Variants in BEST3 observed in about 807,000 individuals in gnomAD.
The protein encoded by BEST3 is bestrophin 3.
A neutral mutation model predicts 47.1 loss-of-function variants in BEST3; 50 were observed. That is an observed-to-expected ratio of 1.06 (90% confidence interval 0.85 to 1.34). The LOEUF is 1.34. Ranked by LOEUF, BEST3 falls within the 40% of genes most tolerant of loss-of-function variation. BEST3 has a pLI of 0.00. For missense variants in BEST3, 765 were observed against 817.0 expected (o/e 0.94, Z 0.78); for synonymous variants, 282 against 298.8 (o/e 0.94, Z 0.58).
intron 4 of BEST3, among the ~76,000 whole-genome samples, chr12:69,687,711 G>GT (rs1210191264): frequency 2.0e-5 from 3 of 150,910 alleles, no homozygotes; most frequent in African/African-American, 4.9e-5. Flanking sequence ...ATTAAAGGGT[G>GT]TTTTTTTCCT....
At chr12:69,698,676 T>A (rs1886220563) in intron 1 of BEST3, among the ~76,000 whole-genome samples, 1 of 152,200 alleles carries the variant, frequency 6.6e-6, no homozygotes, top group African/African-American at 2.4e-5. Context: ...ACACAAAAAA[T>A]AAATTCTGTA....
At chr12:69,683,088 A>AT (rs1885350881) in intron 4 of BEST3, among the ~76,000 whole-genome samples, 1 of 152,176 alleles carries the variant, frequency 6.6e-6, no homozygotes, top group Admixed American at 6.5e-5. Flanking sequence ...ATCTCTGGTT[A>AT]TTTTTTATTC....
chr12:69,646,772 G>C (rs377595917), intron 9 of BEST3, among the ~76,000 whole-genome samples: 1 of 152,130 alleles, frequency 6.6e-6, no homozygotes, highest in Non-Finnish European at 1.5e-5. Context: ...GAAAGTAATC[G>C]GGTTCCATTT....
At chr12:69,643,901 A>T (rs1882952189) in intron 9 of BEST3, 1 of 518,138 alleles carries the variant, frequency 1.9e-6, no homozygotes, top group African/African-American at 2.0e-5. Context: ...CACACATTTA[A>T]TGTAATTTCA....
chr12:69,670,025 G>T (rs1236234059), intron 9 of BEST3: 1 of 163,114 alleles, frequency 6.1e-6, no homozygotes, highest in Non-Finnish European at 1.4e-5. Context: ...TTCTTTTCAA[G>T]TTAAATCGTC....
Position 69,671,475 on chromosome 12 carries a change from A to G in BEST3, c.1053T>C (p.Ala351=). The G allele has an allele frequency of 6.2e-7, 1 of 1,614,146 alleles. No individual in the cohort carries two copies. Among genetic ancestry groups the G allele is most frequent in the Non-Finnish European group, 8.5e-7 (1 of 1,179,992 alleles). ...GAAATGAGGGTATGCAGTAGTCAGC[A>G]GCTGCCAATGTGTATGGTGGGCGAG... ...SAARPPYTLA[A]ADYCIPSFLG... The change falls in exon 9 of 10, where the codon GCT becomes GCC. Residue 351 remains alanine (A), a synonymous_variant. Transcript: ENST00000330891.
chr12:69,659,849 C>T (rs1342379251), intron 9 of BEST3, among the ~76,000 whole-genome samples: 1 of 151,974 alleles, frequency 6.6e-6, no homozygotes, highest in Non-Finnish European at 1.5e-5. Context: ...TAAAAGTACC[C>T]TCATTATATT....
intron 9 of BEST3, chr12:69,659,902 G>T (rs710736): frequency 4.6e-5 from 7 of 151,964 alleles, no homozygotes; most frequent in African/African-American, 1.7e-4. Flanking sequence ...TAGGTTTTAT[G>T]TTCTGGAACT....
intron 4 of BEST3, among the ~76,000 whole-genome samples, chr12:69,689,894 C>A (rs2136034961): frequency 6.6e-6 from 1 of 152,292 alleles, no homozygotes; most frequent in Admixed American, 6.5e-5. Context: ...ATTGCTGCTG[C>A]TTTGTTATCA....
chr12:69,663,670 A>G (rs557871848), intron 9 of BEST3, among the ~76,000 whole-genome samples: 1 of 152,270 alleles, frequency 6.6e-6, no homozygotes, highest in East Asian at 1.9e-4. Flanking sequence ...CCTCTTAAAA[A>G]AAAAGCCAGG....
At chr12:69,656,364 AATCT>A (rs1282627094) in intron 9 of BEST3, among the ~76,000 whole-genome samples, 4 of 93,450 alleles carry the variant, frequency 4.3e-5, no homozygotes, top group African/African-American at 1.5e-4. Flanking sequence ...TATATCTATG[AATCT>A]ATCTGTCTGT....
chr12:69,697,770 G>T lies in BEST3; in HGVS notation c.29C>A (p.Ala10Glu). 1 of 1,612,548 alleles carries T rather than the reference G, an allele frequency of 6.2e-7. No homozygotes were observed. Among genetic ancestry groups the T allele is most frequent in the Non-Finnish European group, 8.5e-7 (1 of 1,179,360 alleles). The stretch of plus-strand genomic sequence containing the variant: ...ATGAAATCCAAAAAAAGTTGCATTT[G>T]CTACTTTACTGGAGTAAGTGACAGT... MTVTYSSKV[A>E]NATFFGFHRL... The change falls in exon 2 of 10, where the codon GCA (alanine) becomes GAA (glutamate). Residue 10 changes from alanine (A) to glutamate (E), a missense_variant. Transcript: ENST00000330891.
chr12:69,689,270 C>T (rs1885814183), intron 4 of BEST3: 1 of 985,788 alleles, frequency 1.0e-6, no homozygotes, highest in Non-Finnish European at 1.2e-6. Context: ...TGAGTCAGCC[C>T]TCTCTGCTGG....
chr12:69,643,578 T>C, exon 10 of BEST3: 1 of 538,794 alleles, frequency 1.9e-6, no homozygotes, highest in Non-Finnish European at 3.4e-6. Context: ...TCTTAGGAAC[T>C]CCACATGCCT....
At chr12:69,694,193 G>C in intron 3 of BEST3, 177 bp downstream of exon 3, 2 of 576,932 alleles carry the variant, frequency 3.5e-6, no homozygotes. Flanking sequence ...AACTTGTTTG[G>C]TGTTAATTTC....
chr12:69,653,802 C>G lies in BEST3; in HGVS notation c.*1105G>C. ...GCAGCTCTGGACCCCATTAGCCTCC[C>G]AGCTCCAGTATCCTGCCCATTCCCA... is the stretch of plus-strand genomic sequence containing the variant. On this transcript the variant is annotated 3_prime_UTR_variant, in exon 10 of 10. Coordinates refer to ENST00000330891, the MANE Select transcript of BEST3 (RefSeq NM_032735.3). 2 of 985,440 alleles carry G rather than the reference C, an allele frequency of 2.0e-6. No individual in the cohort carries two copies. The highest frequency in any genetic ancestry group is 1.7e-5 in the African/African-American group (1 of 57,346). 61.0% of individuals were successfully genotyped at this position (985,440 alleles called of 1,614,324 possible).
At chr12:69,687,781 A>G (rs537287653) in intron 4 of BEST3, among the ~76,000 whole-genome samples, 1 of 152,120 alleles carries the variant, frequency 6.6e-6, no homozygotes, top group Non-Finnish European at 1.5e-5. Flanking sequence ...GAAACTATTT[A>G]TTTTAGAGAG....
intron 7 of BEST3, among the ~76,000 whole-genome samples, chr12:69,673,711 TG>T (rs772854447): frequency 2.8e-4 from 42 of 152,258 alleles, no homozygotes; most frequent in Admixed American, 4.6e-4. Flanking sequence ...CCCAAAGTGT[TG>T]GGATTACAGG....
chr12:69,685,703 A>C (rs182598079), intron 4 of BEST3, among the ~76,000 whole-genome samples: 162 of 152,262 alleles, frequency 1.1e-3, no homozygotes, highest in South Asian at 3.9e-3. Context: ...GTCAATTTCT[A>C]GGTCCTAAGC....
Sources: allele counts gnomAD v4.1 joint callset (sites outside exome capture counted in the v4.1 genomes callset), GRCh38; gene constraint gnomAD v4.1.1; transcripts MANE v1.5; gene names NCBI Gene and HGNC (gene_info 2026-07-23, HGNC 2026-07-21).